Variants in CNTNAP2 observed in about 807,000 individuals in gnomAD.
The protein encoded by CNTNAP2 is contactin associated protein 2, also known as contactin-associated protein-like 2.
A neutral mutation model predicts 155.2 loss-of-function variants in CNTNAP2; 98 were observed. The ratio of observed to expected loss-of-function variants is 0.63; its 90% CI spans 0.54 to 0.75. The LOEUF is 0.75. Among genes scored for constraint, CNTNAP2 ranks in the 30% least tolerant of loss-of-function variants. CNTNAP2 has a pLI of 0.00. For missense variants in CNTNAP2, 1,727 were observed against 1,688.1 expected (o/e 1.02, Z -0.40); for synonymous variants, 651 against 631.2 (o/e 1.03, Z -0.47).
rs527326064 is a variant in CNTNAP2 at position 146,608,644 on chromosome 7, C to CT, written c.98-165622dup. Among the ~76,000 whole-genome samples the CT allele has an allele frequency of 5.3e-5, 8 of 152,194 alleles. No homozygotes were observed. The South Asian group carries it at 1.7e-3, about 32-fold the overall frequency. On this transcript the variant is annotated intron_variant, in intron 1 of 23. Transcript: ENST00000361727. ...AATTGATGTAAGTATAAAGAATTGT[C>CT]TTTTTGTGCTACTAAAATTTCCACT...
intron 1 of CNTNAP2, among the ~76,000 whole-genome samples, chr7:146,251,285 T>C (rs1295276710): frequency 6.6e-6 from 1 of 152,152 alleles, no homozygotes; most frequent in Non-Finnish European, 1.5e-5. Context: ...AAATAAATTT[T>C]GTTATCTTAA....
chr7:147,003,936 G>A (rs1456976386), intron 3 of CNTNAP2, among the ~76,000 whole-genome samples: 1 of 152,010 alleles, frequency 6.6e-6, no homozygotes, highest in Non-Finnish European at 1.5e-5. Context: ...GGTGGCTGAG[G>A]CAGAAAGATT....
chr7:146,599,539 C>A (rs191695841), intron 1 of CNTNAP2, among the ~76,000 whole-genome samples: 187 of 152,066 alleles, frequency 1.2e-3, no homozygotes, highest in Non-Finnish European at 1.6e-3. Flanking sequence ...CCAATCAGGC[C>A]ATTTCCCTGA....
Position 148,300,117 on chromosome 7 carries a change from T to C in CNTNAP2, c.3475+32991T>C, listed in dbSNP as rs138677569. On this transcript the variant is annotated intron_variant, in intron 21 of 23. Coordinates refer to ENST00000361727, the MANE Select transcript of CNTNAP2 (RefSeq NM_014141.6). ...ATGGAAAAGGGAAAGCTGCTCCTAG[T>C]GTTTTTGCTGAATTGTTCTCTTTCT... is the stretch of plus-strand genomic sequence containing the variant. 3.0e-3 allele frequency among the ~76,000 whole-genome samples: 462 copies of C among 152,314 alleles called. 2 individuals carry two copies. The highest frequency in any genetic ancestry group is 9.9e-3 in the African/African-American group (413 of 41,582).
chr7:146,585,453 A>G (rs1156862014), intron 1 of CNTNAP2, among the ~76,000 whole-genome samples: 1 of 151,868 alleles, frequency 6.6e-6, no homozygotes, highest in Non-Finnish European at 1.5e-5. Context: ...TATCATTCCC[A>G]TTTTCAGCAC....
In CNTNAP2 at chr7:147,463,141, C is replaced by A. The variant is rs369302180; in HGVS notation, c.1671-22794C>A. ...CCCTGGGTCCTCTATCATTTTTTAA[C>A]AGAAAAAGAAACAAGTGTGAAGAAG... On this transcript the variant is annotated intron_variant, in intron 10 of 23. Coordinates refer to ENST00000361727, the MANE Select transcript of CNTNAP2 (RefSeq NM_014141.6). Among the ~76,000 whole-genome samples, 10 of 152,078 alleles carry A rather than the reference C, an allele frequency of 6.6e-5. No homozygotes were observed. In the South Asian group the frequency reaches 2.1e-3, roughly 32 times the overall value.
At chr7:146,639,782 A>G (rs1799674632) in intron 1 of CNTNAP2, among the ~76,000 whole-genome samples, 1 of 152,214 alleles carries the variant, frequency 6.6e-6, no homozygotes, top group Non-Finnish European at 1.5e-5. Context: ...ACATAGGTCA[A>G]TTATTATCAC....
intron 3 of CNTNAP2, among the ~76,000 whole-genome samples, chr7:146,969,374 T>G (rs1312461525): frequency 1.3e-5 from 2 of 152,094 alleles, no homozygotes; most frequent in African/African-American, 2.4e-5. Context: ...CTTGTTAACT[T>G]TCTGTCTTGT....
At chr7:148,121,746 G>C (rs995716413) in intron 16 of CNTNAP2, among the ~76,000 whole-genome samples, 1 of 152,136 alleles carries the variant, frequency 6.6e-6, no homozygotes, top group Non-Finnish European at 1.5e-5. Context: ...AAGTTAATGA[G>C]ATACCATCAG....
chr7:148,158,891 AT>A (rs1361391770), intron 17 of CNTNAP2, among the ~76,000 whole-genome samples: 1 of 152,240 alleles, frequency 6.6e-6, no homozygotes, highest in Non-Finnish European at 1.5e-5. Flanking sequence ...AAACTTCATG[AT>A]AATAAATGGC....
chr7:148,232,233 AG>A (rs1180531711), intron 20 of CNTNAP2, among the ~76,000 whole-genome samples: 3 of 152,252 alleles, frequency 2.0e-5, no homozygotes, highest in African/African-American at 7.2e-5. Flanking sequence ...CTTATGGAAA[AG>A]CAGATCCCAG....
chr7:146,409,963 G>C (rs547337033), intron 1 of CNTNAP2, among the ~76,000 whole-genome samples: 2 of 152,136 alleles, frequency 1.3e-5, no homozygotes, highest in Non-Finnish European at 2.9e-5. Context: ...TCTGTGTGTC[G>C]CCTGTGCTCT....
intron 1 of CNTNAP2, among the ~76,000 whole-genome samples, chr7:146,548,651 G>T (rs1372336428): frequency 6.6e-6 from 1 of 151,796 alleles, no homozygotes; most frequent in Non-Finnish European, 1.5e-5. Context: ...ATGAAAGTCT[G>T]GTCAAGTCCA....
intron 8 of CNTNAP2, among the ~76,000 whole-genome samples, chr7:147,207,431 A>C (rs773326333): frequency 6.6e-6 from 1 of 152,126 alleles, no homozygotes; most frequent in Non-Finnish European, 1.5e-5. Flanking sequence ...CATTTTTACT[A>C]TTAATTGGAT....
chr7:147,634,547 A>G (rs1215806541), intron 12 of CNTNAP2, among the ~76,000 whole-genome samples: 1 of 152,136 alleles, frequency 6.6e-6, no homozygotes, highest in Non-Finnish European at 1.5e-5. Flanking sequence ...ATCACCACTA[A>G]AGAACTTTAT....
At chr7:146,634,715 A>G (rs189640241) in intron 1 of CNTNAP2, among the ~76,000 whole-genome samples, 1 of 152,352 alleles carries the variant, frequency 6.6e-6, no homozygotes, top group Admixed American at 6.5e-5. Flanking sequence ...CAAGGAAAGA[A>G]TAAGCAAACA....
intron 8 of CNTNAP2, among the ~76,000 whole-genome samples, chr7:147,269,457 GAGA>G (rs1267084797): frequency 2.0e-5 from 3 of 152,088 alleles, no homozygotes; most frequent in South Asian, 2.1e-4. Flanking sequence ...TTCTATCAAG[GAGA>G]AGGAGTGACT....
chr7:146,508,541 C>G (rs565773355), intron 1 of CNTNAP2, among the ~76,000 whole-genome samples: 2 of 152,194 alleles, frequency 1.3e-5, no homozygotes, highest in African/African-American at 4.8e-5. Flanking sequence ...CAATGTCTAC[C>G]AGCAGCAGCA....
intron 1 of CNTNAP2, among the ~76,000 whole-genome samples, chr7:146,531,101 A>G (rs1797762468): frequency 6.6e-6 from 1 of 152,200 alleles, no homozygotes; most frequent in South Asian, 2.1e-4. Context: ...CCATTGTCCT[A>G]AGCGAATTGA....
Sources: gnomAD v4.1 joint callset for allele counts (sites outside exome capture counted in the v4.1 genomes callset) on GRCh38, gnomAD v4.1.1 for gene constraint, MANE v1.5 for transcripts, NCBI Gene and HGNC (gene_info 2026-07-23, HGNC 2026-07-21) for gene names.